The following TAF5L variants were observed in gnomAD, a reference collection of about 807,000 sequenced individuals.
The protein encoded by TAF5L is TAF5-like RNA polymerase II p300/CBP-associated factor-associated factor 65 kDa subunit 5L.
TAF5L carries 7 observed loss-of-function variants against 51.3 expected under a neutral mutation model. The observed-to-expected ratio is 0.14, with a 90% CI of 0.08 to 0.26. TAF5L has a LOEUF of 0.26. Ranked by LOEUF, TAF5L falls within the 10% of genes least tolerant of loss-of-function variation. TAF5L has a pLI of 1.00. For missense variants in TAF5L, 575 were observed against 758.9 expected (o/e 0.76, Z 2.85); for synonymous variants, 291 against 308.1 (o/e 0.94, Z 0.58).
chr1:229,595,775 C>T (rs1664101226), intron 4 of TAF5L, among the ~76,000 whole-genome samples: 1 of 152,168 alleles, frequency 6.6e-6, no homozygotes, highest in South Asian at 2.1e-4. Flanking sequence ...AAGCGATTCT[C>T]CTGCCTCAGC....
At chr1:229,605,013 T>C (rs1397719579) in intron 3 of TAF5L, among the ~76,000 whole-genome samples, 2 of 152,202 alleles carry the variant, frequency 1.3e-5, no homozygotes, top group South Asian at 2.1e-4. Flanking sequence ...TCTCGGCTCA[T>C]TGCATCCTCT....
intron 4 of TAF5L, chr1:229,601,664 G>A: frequency 4.0e-6 from 4 of 989,864 alleles, no homozygotes; most frequent in African/African-American, 1.7e-5. Flanking sequence ...GGAGCCACAG[G>A]ATATGCACTG....
chr1:229,606,339 G>T (rs1223310546), intron 3 of TAF5L: 3 of 909,298 alleles, frequency 3.3e-6, no homozygotes, highest in Non-Finnish European at 3.9e-6. Flanking sequence ...TTTTCTAACT[G>T]CAAAAGTAAC....
At chr1:229,600,605 A>G (rs1664336622) in intron 4 of TAF5L, 9 of 985,332 alleles carry the variant, frequency 9.1e-6, no homozygotes, top group Non-Finnish European at 1.1e-5. Flanking sequence ...AATTGCTCAT[A>G]TAAGACAGTG....
intron 3 of TAF5L, among the ~76,000 whole-genome samples, chr1:229,604,786 CCAT>C (rs1664520483): frequency 6.6e-6 from 1 of 152,106 alleles, no homozygotes; most frequent in African/African-American, 2.4e-5. Context: ...CCAGCAACCA[CCAT>C]GTGACCAGCT....
intron 3 of TAF5L, chr1:229,607,462 G>A (rs994963487): frequency 1.6e-5 from 16 of 985,402 alleles, no homozygotes; most frequent in Non-Finnish European, 1.8e-5. Context: ...CGTCAAGCCT[G>A]CCTTTTTGCT....
Position 229,609,668 on chromosome 1 carries a change from T to C in TAF5L, c.247+438A>G, listed in dbSNP as rs189061718. Among the ~76,000 whole-genome samples the C allele has an allele frequency of 3.6e-3, 543 of 152,340 alleles. 4 individuals are homozygous for C. Among genetic ancestry groups the C allele is most frequent in the African/African-American group, 0.012 (517 of 41,580 alleles). ...ATACGGGGCAAAGACCATTGTGAAA[T>C]GTACTATATTATTAGTAGAGATGTC... On this transcript the variant is annotated intron_variant, in intron 3 of 4. Transcript: ENST00000258281.
rs545759128 is a variant in TAF5L at position 229,610,911 on chromosome 1, T to A, written c.143-701A>T. 3.9e-5 allele frequency among the ~76,000 whole-genome samples: 6 copies of A among 152,356 alleles called. No individual in the cohort carries two copies. In the South Asian group the frequency reaches 6.2e-4, roughly 16 times the overall value. ...CCCTAAACACGCTATGCTTTTTGAA[T>A]CTTAAGTATTTAAAACAAGGTATTT... On this transcript the variant is annotated intron_variant, in intron 2 of 4. Transcript: ENST00000258281.
At chr1:229,597,931 C>G (rs1412099325) in intron 4 of TAF5L, among the ~76,000 whole-genome samples, 1 of 152,168 alleles carries the variant, frequency 6.6e-6, no homozygotes, top group Admixed American at 6.5e-5. Flanking sequence ...CTCACACTCA[C>G]GTTTCCCCCA....
rs114795801 is a variant in TAF5L at position 229,625,382 on chromosome 1, C to A, written c.-4+503G>T. Among the ~76,000 whole-genome samples the A allele has an allele frequency of 1.3e-5, 2 of 152,142 alleles. No homozygotes were observed. The highest frequency in any genetic ancestry group is 2.1e-4 in the South Asian group (1 of 4,828). ...GCAGCTAGTCTAACTCTGGCTCCCC[C>A]GTGTCACACGCGGAGATCGACTCCA... On this transcript the variant is annotated intron_variant, in intron 1 of 4. Coordinates refer to ENST00000258281, the Ensembl canonical transcript of TAF5L. The surrounding 1 kb of genome is among the most constrained non-coding windows in gnomAD (Gnocchi z 4.0).
In TAF5L at chr1:229,594,719, C is replaced by T. The variant is rs751192828; in HGVS notation, c.1348G>A (p.Val450Ile). Residue 450 changes from valine (V) to isoleucine (I), a missense_variant, in exon 5 of 5, where the codon GTC (valine) becomes ATC (isoleucine). By Grantham distance (29) the Val-to-Ile change is conservative. This residue lies in a region of TAF5L where 104 missense variants were observed against 218.3 expected (regional missense o/e 0.48). Transcript: ENST00000258281. This position sits in a 1 kb window ranked among gnomAD's most constrained non-coding sequence, Gnocchi z 7.9. ...CCCTGCTGAGCGCTCCACAGCCGGACGGTCTTGTCGGTTGAGCCCGTGGCC... is the reference window on the plus strand; with the variant it reads ...CCCTGCTGAGCGCTCCACAGCCGGATGGTCTTGTCGGTTGAGCCCGTGGCC... The T allele has an allele frequency of 1.3e-5, 21 of 1,614,058 alleles. No individual in the cohort carries two copies. The highest frequency in any genetic ancestry group is 1.7e-5 in the Admixed American group (1 of 60,008).
At chr1:229,614,710 A>C (rs953591608) in intron 1 of TAF5L, among the ~76,000 whole-genome samples, 2 of 152,232 alleles carry the variant, frequency 1.3e-5, no homozygotes, top group Non-Finnish European at 2.9e-5. Flanking sequence ...AATTACAGAA[A>C]ATAGGAAAAG....
rs773323928 is a variant in TAF5L, at chr1:229,602,796, T to C, written c.371A>G (p.His124Arg). ...GCTAGCATTCTGCAGAAACATTCCA[T>C]GGAAGCGGCTGTAAAAACTTTCCAC... Residue 124 changes from histidine to arginine, a missense_variant, in exon 4 of 5, where the codon CAT (histidine) becomes CGT (arginine). Transcript: ENST00000258281. This position sits in a 1 kb window ranked among gnomAD's most constrained non-coding sequence, Gnocchi z 4.6. 3.4e-5 allele frequency: 55 copies of C among 1,613,992 alleles called. No individual in the cohort carries two copies. Among genetic ancestry groups the C allele is most frequent in the Admixed American group, 5.0e-5 (3 of 60,000 alleles).
chr1:229,594,207 C>T lies in TAF5L; in HGVS notation c.*90G>A. ...GAGAGAGGGGAGGAGGGGGCTCTTT[C>T]ACAGTCAATGATTCAATCTCAGCTC... On this transcript the variant is annotated 3_prime_UTR_variant, in exon 5 of 5. Transcript: ENST00000258281. The surrounding 1 kb of genome is among the most constrained non-coding windows in gnomAD (Gnocchi z 7.9). 7.2e-7 allele frequency: 1 copy of T among 1,398,064 alleles called. No homozygotes were observed. The highest frequency in any genetic ancestry group is 2.6e-4 in the Middle Eastern group (1 of 3,822). The allele number at this position is 1,398,064 out of a possible 1,614,324, so 86.6% of individuals were successfully genotyped here.
At position 229,610,055 on chromosome 1, in the gene TAF5L, T is replaced by G. The variant is rs543410588; in HGVS notation, c.247+51A>C. Reference sequence around the variant, plus strand: ...ACAAGCAGTGTGCCCAAAGTTGGTCTGTATTACTCTGTTTTCTTAAAAAGA... The same window carrying G: ...ACAAGCAGTGTGCCCAAAGTTGGTCGGTATTACTCTGTTTTCTTAAAAAGA... On this transcript the variant is annotated intron_variant, in intron 3 of 4. Coordinates refer to ENST00000258281, the Ensembl canonical transcript of TAF5L. 4.1e-5 allele frequency: 64 copies of G among 1,544,472 alleles called. 1 individual carries two copies. The East Asian group carries it at 1.4e-3, about 35-fold the overall frequency.
Position 229,602,462 on chromosome 1 carries a change from G to A in TAF5L, c.705C>T (p.Asn235=), listed in dbSNP as rs202211536. 49 of 1,614,102 alleles carry A rather than the reference G, an allele frequency of 3.0e-5. No individual in the cohort carries two copies. The East Asian group carries it at 3.1e-4, about 10-fold the overall frequency. Residue 235 remains asparagine (N), a synonymous_variant, in exon 4 of 5, where the codon AAC becomes AAT. Coordinates refer to ENST00000258281, the Ensembl canonical transcript of TAF5L. This position sits in a 1 kb window ranked among gnomAD's most constrained non-coding sequence, Gnocchi z 4.6. ...CCTGTAAGACCTCTAGGGCAGCCTC[G>A]TTCTGCAGAATAGGGCTGGGCATGT...
intron 4 of TAF5L, 122 bp from the exon 5 acceptor site, chr1:229,595,216 C>A: frequency 9.6e-7 from 1 of 1,036,716 alleles, no homozygotes; most frequent in East Asian, 2.5e-5. Flanking sequence ...GAAATAGCAT[C>A]TATCCAGCAA....
At position 229,616,807 on chromosome 1, in the gene TAF5L, T is replaced by TTA. The variant is rs964651268; in HGVS notation, c.-3-2324_-3-2323dup. Among the ~76,000 whole-genome samples, 19 of 152,176 alleles carry TTA rather than the reference T, an allele frequency of 1.2e-4. 1 individual carries two copies. The highest frequency in any genetic ancestry group is 5.9e-4 in the Admixed American group (9 of 15,286). On this transcript the variant is annotated intron_variant, in intron 1 of 4. Transcript: ENST00000258281. ...CATGTAAATATAAAATGTTAGGACA[T>TTA]TATATATATATTAAACTATATGCCC...
At chr1:229,614,524 G>A (rs545387398) in intron 1 of TAF5L, 39 bp from the exon 2 acceptor site, 4 of 1,606,464 alleles carry the variant, frequency 2.5e-6, no homozygotes, top group Non-Finnish European at 3.4e-6. Context: ...AGACATCAGG[G>A]GCCTGGGAGA....
Sources: allele counts gnomAD v4.1 joint callset (sites outside exome capture counted in the v4.1 genomes callset), GRCh38; gene constraint gnomAD v4.1.1; regional missense constraint gnomAD v4.1.1; non-coding constraint Gnocchi (gnomAD v3.1); transcripts MANE v1.5; gene names NCBI Gene and HGNC (gene_info 2026-07-23, HGNC 2026-07-21).